Variants in CAPN11 observed in about 807,000 individuals in gnomAD.
CAPN11 encodes the protein calpain-11.
CAPN11 carries 108 observed loss-of-function variants against 105.3 expected under a neutral mutation model. The observed-to-expected ratio is 1.03, with a 90% confidence interval of 0.88 to 1.20. The LOEUF (loss-of-function observed/expected upper bound fraction) is 1.20, where lower values mean the gene tolerates loss of function less well. Among genes scored for constraint, CAPN11 ranks in the 50% most tolerant of loss-of-function variants. The pLI is 0.00. For synonymous variants in CAPN11, 329 were observed against 344.5 expected (o/e 0.96, Z 0.50); for missense variants, 883 against 924.8 (o/e 0.95, Z 0.59).
At chr6:44,174,211 C>T (rs1771537250) in intron 7 of CAPN11, among the ~76,000 whole-genome samples, 1 of 152,178 alleles carries the variant, frequency 6.6e-6, no homozygotes. Context: ...TTTACAGCAA[C>T]TTTATTCATT....
intron 19 of CAPN11, among the ~76,000 whole-genome samples, chr6:44,182,277 C>A (rs866813009): frequency 0.016 from 2,143 of 133,924 alleles, 168 homozygotes; most frequent in Non-Finnish European, 0.025. Flanking sequence ...CATACAGACA[C>A]AACCACACCA....
chr6:44,172,366 G>C lies in CAPN11; in HGVS notation c.474G>C (p.Val158=). Residue 158 remains valine (V), a synonymous_variant, in exon 5 of 23, where the codon GTG becomes GTC. Transcript: ENST00000398776. ...CCTGCCCCAAACTGCTATACCGCGT[G>C]GTGCCCAGAGGACAGAGCTTCAAGA... ...LTTCPKLLYR[V]VPRGQSFKKN... is the part of the protein sequence containing the mutation. 1 of 1,561,914 alleles carries C rather than the reference G, an allele frequency of 6.4e-7. No individual in the cohort carries two copies. Among genetic ancestry groups the C allele is most frequent in the Non-Finnish European group, 8.7e-7 (1 of 1,153,218 alleles).
In CAPN11 at chr6:44,176,905, C is replaced by G. The variant is rs755472292; in HGVS notation, c.1144C>G (p.Leu382Val). ...GATCTGCAACCTCACGCCTGATACA[C>G]TCTCTGGGGACTACAAGAGCTACTG... ...LEICNLTPDT[L>V]SGDYKSYWHT... The change falls in exon 11 of 23, where the codon CTC becomes GTC. Residue 382 changes from leucine (L) to valine (V), a missense_variant. By Grantham distance (32) the Leu-to-Val change is conservative. Coordinates refer to ENST00000398776, the MANE Select transcript of CAPN11 (RefSeq NM_007058.4). 6.2e-7 allele frequency: 1 copy of G among 1,613,958 alleles called. No individual in the cohort carries two copies. The highest frequency in any genetic ancestry group is 1.1e-5 in the South Asian group (1 of 91,078).
chr6:44,166,495 A>C (rs1055176434), intron 1 of CAPN11, among the ~76,000 whole-genome samples: 3 of 151,966 alleles, frequency 2.0e-5, no homozygotes, highest in South Asian at 4.1e-4. Context: ...CTGCTGTTAT[A>C]ACTAGTCTCT....
intron 9 of CAPN11, 113 bp downstream of exon 9, chr6:44,176,451 T>A (rs1561848146): frequency 1.6e-6 from 2 of 1,279,042 alleles, no homozygotes; most frequent in East Asian, 2.4e-5. Context: ...GCAAAGCTCC[T>A]CCCTCTAGAT....
chr6:44,179,545 C>T (rs1772773945), intron 12 of CAPN11, 74 bp from the exon 13 acceptor site: 1 of 1,303,788 alleles, frequency 7.7e-7, no homozygotes, highest in Admixed American at 1.7e-5. Context: ...CTATACACAT[C>T]CCACTTGGCT....
At chr6:44,175,725 C>T (rs776095574) in intron 7 of CAPN11, among the ~76,000 whole-genome samples, 20 of 151,590 alleles carry the variant, frequency 1.3e-4, no homozygotes, top group South Asian at 2.1e-4. Flanking sequence ...TGCAGTGAGC[C>T]GAGATCTCAC....
At chr6:44,175,704 G>A (rs151105048) in intron 7 of CAPN11, among the ~76,000 whole-genome samples, 1,569 of 151,056 alleles carry the variant, frequency 0.01, 29 homozygotes, top group African/African-American at 0.036. Context: ...TTGAACCTGC[G>A]AGGCAGAGGT....
intron 18 of CAPN11, 55 bp from the exon 19 acceptor site, chr6:44,181,197 T>C: frequency 6.5e-7 from 1 of 1,531,714 alleles, no homozygotes; most frequent in South Asian, 1.1e-5. Context: ...GCTGCTTCCC[T>C]ATCCCCTGGG....
rs1428705935 is a variant in CAPN11, at chr6:44,159,837, G to A, written c.16+973G>A. The stretch of plus-strand genomic sequence containing the variant: ...CCCTAATAACAATGTATTGCATTTA[G>A]AAAATCACTGAGAGAGGCCAGGCAC... On this transcript the variant is annotated intron_variant, in intron 1 of 22. Coordinates refer to ENST00000398776, the MANE Select transcript of CAPN11 (RefSeq NM_007058.4). 1.3e-5 allele frequency among the ~76,000 whole-genome samples: 2 copies of A among 151,782 alleles called. 1 individual carries two copies. Among genetic ancestry groups the A allele is most frequent in the African/African-American group, 4.8e-5 (2 of 41,308 alleles).
intron 1 of CAPN11, among the ~76,000 whole-genome samples, chr6:44,160,414 G>A (rs1322093380): frequency 2.6e-5 from 4 of 152,096 alleles, no homozygotes; most frequent in African/African-American, 7.2e-5. Context: ...TCAGGAGATC[G>A]GGACCATCTT....
chr6:44,168,548 A>T (rs1770392206), intron 2 of CAPN11, among the ~76,000 whole-genome samples: 1 of 151,444 alleles, frequency 6.6e-6, no homozygotes, highest in African/African-American at 2.4e-5. Flanking sequence ...GATTACAGGC[A>T]TGAGCCACTG....
At chr6:44,159,954 G>A (rs914076192) in intron 1 of CAPN11, among the ~76,000 whole-genome samples, 64 of 152,052 alleles carry the variant, frequency 4.2e-4, no homozygotes, top group Admixed American at 3.7e-3. Flanking sequence ...GGCCAACATA[G>A]TGAAACCGTG....
chr6:44,160,938 T>C (rs1768672056), intron 1 of CAPN11, among the ~76,000 whole-genome samples: 1 of 152,222 alleles, frequency 6.6e-6, no homozygotes, highest in Admixed American at 6.5e-5. Context: ...CATAGGTATG[T>C]ACATAAAGGA....
intron 12 of CAPN11, chr6:44,177,692 G>T (rs1772356712): frequency 5.5e-6 from 2 of 360,646 alleles, no homozygotes; most frequent in Non-Finnish European, 1.0e-5. Flanking sequence ...TCACCATGTT[G>T]GCTAGGCTGG....
At chr6:44,161,021 G>A (rs141125375) in intron 1 of CAPN11, among the ~76,000 whole-genome samples, 219 of 152,062 alleles carry the variant, frequency 1.4e-3, no homozygotes, top group Non-Finnish European at 2.5e-3. Context: ...GTGTTGGAAC[G>A]TACCCCTAGG....
intron 7 of CAPN11, 79 bp from the exon 8 acceptor site, chr6:44,175,989 C>T: frequency 3.5e-6 from 3 of 850,868 alleles, no homozygotes; most frequent in Non-Finnish European, 5.9e-6. Flanking sequence ...GGAGAGCTCG[C>T]CCCTTCCTTT....
At chr6:44,177,473 C>A in intron 12 of CAPN11, 53 bp downstream of exon 12, 1 of 1,359,818 alleles carries the variant, frequency 7.4e-7, no homozygotes, top group Non-Finnish European at 1.0e-6. Context: ...CCTGACCTCA[C>A]TCCTTTCTTT....
chr6:44,161,503 AG>A (rs1328808962), intron 1 of CAPN11, among the ~76,000 whole-genome samples: 9 of 152,198 alleles, frequency 5.9e-5, no homozygotes, highest in Non-Finnish European at 1.5e-5. Context: ...CCCAACTTAA[AG>A]ACATTTTCCA....
Sources: allele counts gnomAD v4.1 joint callset (sites outside exome capture counted in the v4.1 genomes callset), GRCh38; gene constraint gnomAD v4.1.1; transcripts MANE v1.5; gene names NCBI Gene and HGNC (gene_info 2026-07-23, HGNC 2026-07-21).